The following GSK3B variants were observed in gnomAD, a reference collection of about 807,000 sequenced individuals.
GSK3B encodes the protein glycogen synthase kinase 3 beta.
In GSK3B, 15 loss-of-function variants were observed where a neutral mutation model predicts 56.4. That is an observed-to-expected ratio of 0.27 (90% CI 0.18 to 0.41). GSK3B has a LOEUF of 0.41. GSK3B is among the 10% of genes least tolerant of loss of function. GSK3B has a pLI of 1.00. For missense variants in GSK3B, 300 were observed against 513.4 expected (o/e 0.58, Z 4.02); for synonymous variants, 181 against 188.9 (o/e 0.96, Z 0.34).
chr3:119,988,614 G>T (rs1043946745), intron 2 of GSK3B, among the ~76,000 whole-genome samples: 1 of 152,148 alleles, frequency 6.6e-6, no homozygotes, highest in Admixed American at 6.5e-5. Context: ...AGGGTTTCTG[G>T]TCTATGGTAA....
chr3:119,958,336 T>G (rs1054843950), intron 2 of GSK3B, among the ~76,000 whole-genome samples: 1 of 127,476 alleles, frequency 7.8e-6, no homozygotes, highest in African/African-American at 3.0e-5. Context: ...CTAACACAGA[T>G]GCCATACAAC....
chr3:120,036,677 C>T (rs2058025603), intron 1 of GSK3B, among the ~76,000 whole-genome samples: 1 of 151,020 alleles, frequency 6.6e-6, no homozygotes, highest in East Asian at 2.0e-4. Flanking sequence ...CCTGAAATCC[C>T]AGCTCATCAG....
chr3:120,003,188 T>C (rs1256725390), intron 1 of GSK3B, among the ~76,000 whole-genome samples: 1 of 152,244 alleles, frequency 6.6e-6, no homozygotes, highest in Non-Finnish European at 1.5e-5. Flanking sequence ...CCAGGGTCTC[T>C]ATTCACTCAC....
intron 7 of GSK3B, among the ~76,000 whole-genome samples, chr3:119,897,793 CAAA>C (rs11464173): frequency 1.4e-5 from 1 of 73,144 alleles, no homozygotes; most frequent in Non-Finnish European, 3.1e-5. Context: ...GACTCTGTCT[CAAA>C]AAAAAAAAAA....
At chr3:120,034,140 T>C (rs1264264744) in intron 1 of GSK3B, among the ~76,000 whole-genome samples, 1 of 152,192 alleles carries the variant, frequency 6.6e-6, no homozygotes, top group East Asian at 1.9e-4. Context: ...AAGTCCTTTA[T>C]CAGATATAAT....
At chr3:119,859,167 C>T (rs35451199) in intron 9 of GSK3B, among the ~76,000 whole-genome samples, 4 of 126,572 alleles carry the variant, frequency 3.2e-5, no homozygotes, top group South Asian at 5.4e-4. Flanking sequence ...TTGACACGAA[C>T]GTTTTATTTG....
At chr3:119,985,850 G>C (rs2057510921) in intron 2 of GSK3B, among the ~76,000 whole-genome samples, 1 of 152,026 alleles carries the variant, frequency 6.6e-6, no homozygotes, top group South Asian at 2.1e-4. Context: ...ACTTCATATT[G>C]AATCAAAAAA....
At chr3:119,892,069 A>G (rs1296052313) in intron 7 of GSK3B, among the ~76,000 whole-genome samples, 1 of 152,154 alleles carries the variant, frequency 6.6e-6, no homozygotes, top group East Asian at 1.9e-4. Context: ...GCAACTGACA[A>G]GCTCTGAAAC....
intron 7 of GSK3B, among the ~76,000 whole-genome samples, chr3:119,897,688 T>A (rs1225808472): frequency 1.3e-5 from 2 of 150,740 alleles, no homozygotes; most frequent in Non-Finnish European, 1.5e-5. Flanking sequence ...AATGAAAAAA[T>A]TTAACTGATA....
intron 2 of GSK3B, among the ~76,000 whole-genome samples, chr3:119,989,910 T>C (rs935184517): frequency 6.6e-6 from 1 of 152,058 alleles, no homozygotes. Flanking sequence ...CAGAAAACTC[T>C]CCATCCCCTA....
At chr3:120,005,557 T>A (rs2057719416) in intron 1 of GSK3B, among the ~76,000 whole-genome samples, 1 of 152,118 alleles carries the variant, frequency 6.6e-6, no homozygotes, top group African/African-American at 2.4e-5. Flanking sequence ...GGGAAGGCCA[T>A]CAGACTAACA....
At chr3:120,060,593 G>A (rs1175415024) in intron 1 of GSK3B, among the ~76,000 whole-genome samples, 2 of 152,134 alleles carry the variant, frequency 1.3e-5, no homozygotes, top group African/African-American at 4.8e-5. Context: ...AGGCATGGTG[G>A]CACACACTGG....
At chr3:120,020,501 C>T (rs1220364781) in intron 1 of GSK3B, among the ~76,000 whole-genome samples, 3 of 152,122 alleles carry the variant, frequency 2.0e-5, no homozygotes, top group African/African-American at 7.2e-5. Context: ...AAACTTTTCA[C>T]TATTATTATA....
intron 7 of GSK3B, among the ~76,000 whole-genome samples, chr3:119,888,646 A>C (rs1266210189): frequency 2.0e-5 from 3 of 152,128 alleles, no homozygotes; most frequent in African/African-American, 7.2e-5. Flanking sequence ...ATTTTCAGGG[A>C]ACTAGGGAAG....
At position 119,822,336 on chromosome 3, in the gene GSK3B, C is replaced by G; in HGVS notation, c.*4452G>C. 5.1e-6 allele frequency: 1 copy of G among 198,010 alleles called. No individual in the cohort carries two copies. Among genetic ancestry groups the G allele is most frequent in the Non-Finnish European group, 1.0e-5 (1 of 96,432 alleles). The allele number at this position is 198,010 out of a possible 1,614,324, so 12.3% of individuals were successfully genotyped here. A position where few individuals can be genotyped will look rare whatever the true frequency, so the allele number is the denominator to read the frequency against. ...ACGCTAATTGGTATGTGTACAGGCC[C>G]AAGTGATCCATCGGCAACACATTTA... On this transcript the variant is annotated 3_prime_UTR_variant, in exon 11 of 11. Transcript: ENST00000264235.
chr3:119,884,018 GTA>G (rs1392283976), intron 7 of GSK3B, among the ~76,000 whole-genome samples: 2 of 152,138 alleles, frequency 1.3e-5, no homozygotes, highest in Non-Finnish European at 2.9e-5. Flanking sequence ...AGTACCTGCG[GTA>G]TAAGTGCTAG....
At chr3:119,891,107 G>A (rs149598099) in intron 7 of GSK3B, among the ~76,000 whole-genome samples, 28 of 152,048 alleles carry the variant, frequency 1.8e-4, no homozygotes, top group Non-Finnish European at 3.4e-4. Context: ...AGGTGAAAGT[G>A]CTACACTGCA....
chr3:119,975,086 G>A (rs907698608), intron 2 of GSK3B, among the ~76,000 whole-genome samples: 3 of 152,098 alleles, frequency 2.0e-5, no homozygotes, highest in East Asian at 1.9e-4. Context: ...AAGATGTCCC[G>A]CAACAGGTAA....
At chr3:119,939,202 A>G (rs1415457454) in intron 3 of GSK3B, among the ~76,000 whole-genome samples, 1 of 152,140 alleles carries the variant, frequency 6.6e-6, no homozygotes, top group African/African-American at 2.4e-5. Flanking sequence ...GAAGCATTCC[A>G]GAAGGTATTT....
Sources: gnomAD v4.1 joint callset for allele counts (sites outside exome capture counted in the v4.1 genomes callset) on GRCh38, gnomAD v4.1.1 for gene constraint, MANE v1.5 for transcripts, NCBI Gene and HGNC (gene_info 2026-07-23, HGNC 2026-07-21) for gene names.